SAMMSON: variants seen among roughly 807,000 people sequenced by gnomAD.
SAMMSON encodes the protein survival associated mitochondrial melanoma specific oncogenic non-coding RNA.
chr3:70,311,249 T>G (rs1303021624), intron 7 of SAMMSON, among the ~76,000 whole-genome samples: 1 of 152,210 alleles, frequency 6.6e-6, no homozygotes, highest in Admixed American at 6.5e-5. Context: ...GTTACCTTTT[T>G]GACATATTAA....
intron 4 of SAMMSON, among the ~76,000 whole-genome samples, chr3:70,187,642 T>TA (rs1701101423): frequency 6.6e-6 from 1 of 151,690 alleles, no homozygotes; most frequent in South Asian, 2.1e-4. Flanking sequence ...TTCACCGTGT[T>TA]AGCCAGGATG....
At chr3:70,310,341 T>A (rs1477759077) in intron 7 of SAMMSON, among the ~76,000 whole-genome samples, 1 of 151,720 alleles carries the variant, frequency 6.6e-6, no homozygotes, top group Non-Finnish European at 1.5e-5. Context: ...AAAATAAGTA[T>A]ATTTTTATTA....
intron 2 of SAMMSON, among the ~76,000 whole-genome samples, chr3:70,405,848 A>G (rs574441666): frequency 6.6e-6 from 1 of 152,328 alleles, no homozygotes; most frequent in Admixed American, 6.5e-5. Flanking sequence ...GGGAAGTTCA[A>G]TGAATAATGT....
At chr3:70,017,973 G>A (rs542393535) in intron 3 of SAMMSON, among the ~76,000 whole-genome samples, 1 of 152,232 alleles carries the variant, frequency 6.6e-6, no homozygotes, top group East Asian at 1.9e-4. Flanking sequence ...ATGTGTTGCT[G>A]GATTTGGTTT....
At chr3:70,428,930 G>A (rs1352993192) in intron 2 of SAMMSON, among the ~76,000 whole-genome samples, 1 of 152,124 alleles carries the variant, frequency 6.6e-6, no homozygotes. Flanking sequence ...AAAGATCATT[G>A]CCCTTATGGA....
At chr3:70,129,307 A>G (rs914536935) in intron 4 of SAMMSON, among the ~76,000 whole-genome samples, 1 of 152,212 alleles carries the variant, frequency 6.6e-6, no homozygotes, top group East Asian at 1.9e-4. Context: ...TTTGACATAT[A>G]TCATTTCATT....
intron 4 of SAMMSON, among the ~76,000 whole-genome samples, chr3:70,081,732 A>G (rs964225149): frequency 6.6e-6 from 1 of 152,236 alleles, no homozygotes; most frequent in African/African-American, 2.4e-5. Flanking sequence ...AGCTTCTCTT[A>G]TTTGAGTTTG....
At chr3:70,337,059 TA>T (rs1559566717) in intron 7 of SAMMSON, among the ~76,000 whole-genome samples, 20 of 81,788 alleles carry the variant, frequency 2.4e-4, no homozygotes, top group African/African-American at 5.9e-4. Flanking sequence ...TTATTATTAT[TA>T]ATAATAATAT....
At chr3:70,128,235 C>T (rs1334962195) in intron 4 of SAMMSON, among the ~76,000 whole-genome samples, 1 of 152,142 alleles carries the variant, frequency 6.6e-6, no homozygotes, top group Non-Finnish European at 1.5e-5. Context: ...CAAGAAGTGC[C>T]TCAATTCCCC....
At chr3:70,086,291 G>T (rs935967659) in intron 4 of SAMMSON, among the ~76,000 whole-genome samples, 1 of 152,160 alleles carries the variant, frequency 6.6e-6, no homozygotes, top group Non-Finnish European at 1.5e-5. Context: ...TCCTCTGTGG[G>T]TGTATCAATC....
At chr3:70,409,702 A>G (rs1258740537) in intron 2 of SAMMSON, among the ~76,000 whole-genome samples, 1 of 152,212 alleles carries the variant, frequency 6.6e-6, no homozygotes, top group Non-Finnish European at 1.5e-5. Flanking sequence ...TAATAAGGCC[A>G]ATATTGTAAA....
chr3:70,416,286 C>G (rs1299370089), intron 2 of SAMMSON, among the ~76,000 whole-genome samples: 2 of 152,096 alleles, frequency 1.3e-5, no homozygotes. Context: ...CCCTTCATGT[C>G]CAGTACATAA....
chr3:70,357,999 G>T (rs1702842650), intron 8 of SAMMSON, among the ~76,000 whole-genome samples: 1 of 152,116 alleles, frequency 6.6e-6, no homozygotes, highest in African/African-American at 2.4e-5. Flanking sequence ...TTAAGTACCA[G>T]AAGGTCTGGT....
At chr3:70,062,887 T>C (rs1024487670) in intron 3 of SAMMSON, among the ~76,000 whole-genome samples, 1 of 152,144 alleles carries the variant, frequency 6.6e-6, no homozygotes, top group Non-Finnish European at 1.5e-5. Context: ...TTGGCATCAG[T>C]TGCATATTGG....
intron 4 of SAMMSON, among the ~76,000 whole-genome samples, chr3:70,227,789 G>A (rs1381306413): frequency 1.3e-5 from 2 of 152,126 alleles, no homozygotes; most frequent in East Asian, 3.9e-4. Context: ...TACAAATGAG[G>A]AGGCTGAGGC....
At chr3:70,096,728 C>A (rs1205115637) in intron 4 of SAMMSON, among the ~76,000 whole-genome samples, 4 of 152,160 alleles carry the variant, frequency 2.6e-5, no homozygotes, top group African/African-American at 9.7e-5. Context: ...AAGCTGCCTA[C>A]AGAATTAATT....
intron 7 of SAMMSON, among the ~76,000 whole-genome samples, chr3:70,299,729 C>T (rs867265779): frequency 1.3e-5 from 2 of 152,122 alleles, no homozygotes; most frequent in Non-Finnish European, 2.9e-5. Context: ...AGTCCATCTT[C>T]GTAATATCCT....
intron 9 of SAMMSON, among the ~76,000 whole-genome samples, chr3:70,388,857 A>G (rs1701014734): frequency 6.6e-6 from 1 of 152,092 alleles, no homozygotes; most frequent in African/African-American, 2.4e-5. Context: ...ACCAAAACCC[A>G]TGTTGAAATT....
chr3:70,329,619 G>C (rs1305327116), intron 7 of SAMMSON, among the ~76,000 whole-genome samples: 3 of 151,770 alleles, frequency 2.0e-5, no homozygotes, highest in Non-Finnish European at 4.4e-5. Flanking sequence ...CAATATCCTG[G>C]AGAAACTAGA....
Sources: allele counts gnomAD v4.1 joint callset (sites outside exome capture counted in the v4.1 genomes callset), GRCh38; gene constraint gnomAD v4.1.1; transcripts MANE v1.5; gene names NCBI Gene and HGNC (gene_info 2026-07-23, HGNC 2026-07-21).